Variants in GAREM2 observed in about 807,000 individuals in gnomAD.
GAREM2 encodes the protein GRB2-associated and regulator of MAPK protein 2.
A neutral mutation model predicts 55.6 loss-of-function variants in GAREM2; 30 were observed. That is an observed-to-expected ratio of 0.54 (90% confidence interval 0.40 to 0.73). The LOEUF (loss-of-function observed/expected upper bound fraction) is 0.73, where lower values mean the gene tolerates loss of function less well. Among genes scored for constraint, GAREM2 ranks in the 30% least tolerant of loss-of-function variants. The probability of loss-of-function intolerance (pLI) is 0.00; values close to 1 mark genes in which losing one functional copy is unlikely to be tolerated. For synonymous variants in GAREM2, 550 were observed against 569.1 expected (o/e 0.97, Z 0.48); for missense variants, 1,075 against 1,257.7 (o/e 0.85, Z 2.20).
rs72849140 is a variant in GAREM2, at chr2:26,179,260, G to A, written c.253+2776G>A. 3.7e-4 allele frequency among the ~76,000 whole-genome samples: 56 copies of A among 152,304 alleles called. No homozygotes were observed. Among genetic ancestry groups the A allele is most frequent in the African/African-American group, 1.3e-3 (56 of 41,566 alleles). Reference sequence around the variant, plus strand: ...CCCTGAGCATGGTGCCACTTCCCCAGTGTTGGCCTTGTTTCCTGCTCAGCA... The same window carrying A: ...CCCTGAGCATGGTGCCACTTCCCCAATGTTGGCCTTGTTTCCTGCTCAGCA... On this transcript the variant is annotated intron_variant, in intron 2 of 5. Coordinates refer to ENST00000401533, the MANE Select transcript of GAREM2 (RefSeq NM_001168241.2). The surrounding 1 kb of genome is among the most constrained non-coding windows in gnomAD (Gnocchi z 4.7).
At chr2:26,173,694 C>G (rs547849783) in intron 1 of GAREM2, among the ~76,000 whole-genome samples, 15 of 148,946 alleles carry the variant, frequency 1.0e-4, no homozygotes, top group African/African-American at 3.7e-4. Context: ...GTCCCTTTGT[C>G]CCTGGCCTCT....
chr2:26,173,322 C>A lies in GAREM2; in HGVS notation c.102C>A (p.Cys34Ter). The change falls in exon 1 of 6, where the codon TGC (cysteine) becomes TGA (stop). Residue 34 changes from cysteine to a stop codon, truncating the protein, a stop_gained. Coordinates refer to ENST00000401533, the MANE Select transcript of GAREM2 (RefSeq NM_001168241.2). LOFTEE classifies it high-confidence loss of function. ...GCTGCCGCCTGCCCACGCTCGCCTG[C>A]CTTGGGCCAGGTACCGGGGTCGCTG... is the stretch of plus-strand genomic sequence containing the variant. ...VSRCRLPTLA[C>*]LGPGEYAEGV... The A allele has an allele frequency of 2.1e-6, 3 of 1,398,690 alleles. No homozygotes were observed. Among genetic ancestry groups the A allele is most frequent in the Non-Finnish European group, 2.8e-6 (3 of 1,070,904 alleles). The allele number at this position is 1,398,690 out of a possible 1,614,324, so 86.6% of individuals were successfully genotyped here.
downstream of GAREM2, chr2:26,192,162 A>G (rs79495003): frequency 1.5e-3 from 953 of 623,802 alleles, 4 homozygotes; most frequent in African/African-American, 0.017. Context: ...AGACAGCACC[A>G]TGGCACGTGT....
chr2:26,185,927 T>C (rs555846614), intron 4 of GAREM2, among the ~76,000 whole-genome samples: 5 of 152,254 alleles, frequency 3.3e-5, no homozygotes, highest in African/African-American at 9.6e-5. Flanking sequence ...TTGTGTTCTT[T>C]TTCTTAACAT....
rs1669184567 is a variant in GAREM2, at chr2:26,184,937, G to C, written c.1089G>C (p.Glu363Asp). The change falls in exon 4 of 6, where the codon GAG becomes GAC. Residue 363 changes from glutamate to aspartate, a missense_variant. By Grantham distance (45) the Glu-to-Asp change is conservative. Coordinates refer to ENST00000401533, the MANE Select transcript of GAREM2 (RefSeq NM_001168241.2). ...DPDEYSTAVR[E>D]APAELAEDCA... ...ACGAGTACTCCACGGCCGTGCGCGA[G>C]GCGCCAGCGGAGCTCGCCGAAGACT... 7.7e-7 allele frequency: 1 copy of C among 1,295,010 alleles called. No homozygotes were observed. The highest frequency in any genetic ancestry group is 1.6e-5 in the African/African-American group (1 of 64,080). 80.2% of individuals were successfully genotyped at this position (1,295,010 alleles called of 1,614,324 possible).
Position 26,179,162 on chromosome 2 carries a change from G to C in GAREM2, c.253+2678G>C, listed in dbSNP as rs1354948035. 6.6e-6 allele frequency among the ~76,000 whole-genome samples: 1 copy of C among 152,144 alleles called. No homozygotes were observed. The highest frequency in any genetic ancestry group is 6.5e-5 in the Admixed American group (1 of 15,274). On this transcript the variant is annotated intron_variant, in intron 2 of 5. Transcript: ENST00000401533. This position sits in a 1 kb window ranked among gnomAD's most constrained non-coding sequence, Gnocchi z 4.7. ...GGCGCTCTGCTCCGGGAGTCAGGGA[G>C]ACCTGGCCTGGCCCCGTACTGTCCC...
intron 1 of GAREM2, among the ~76,000 whole-genome samples, chr2:26,173,699 G>A (rs1364193856): frequency 6.6e-6 from 1 of 151,722 alleles, no homozygotes; most frequent in Non-Finnish European, 1.5e-5. Flanking sequence ...TTTGTCCCTG[G>A]CCTCTCACCT....
chr2:26,181,219 C>G (rs1669040444), intron 2 of GAREM2: 1 of 825,642 alleles, frequency 1.2e-6, no homozygotes. Flanking sequence ...GCATTCAGAG[C>G]CTTTCAAATC....
At chr2:26,178,806 A>G (rs1388870513) in intron 2 of GAREM2, among the ~76,000 whole-genome samples, 2 of 146,412 alleles carry the variant, frequency 1.4e-5, no homozygotes, top group Non-Finnish European at 3.0e-5. Context: ...GTGGTCTTGG[A>G]GGGGTGGTGG....
At chr2:26,201,035 G>C in the GAREM2 span, 2 of 833,026 alleles carry the variant, frequency 2.4e-6, no homozygotes, top group Non-Finnish European at 4.0e-6. Context: ...CCCAGCCTTT[G>C]AATAGTCCTT....
intron 1 of GAREM2, among the ~76,000 whole-genome samples, chr2:26,175,075 CCACA>C (rs113787363): frequency 4.0e-5 from 6 of 150,206 alleles, no homozygotes; most frequent in Non-Finnish European, 5.9e-5. Context: ...CGCCACCCTG[CCACA>C]CACACACACA....
At position 26,184,798 on chromosome 2, in the gene GAREM2, T is replaced by G; in HGVS notation, c.950T>G (p.Leu317Arg). Residue 317 changes from leucine (L) to arginine (R), a missense_variant, in exon 4 of 6, where the codon CTG becomes CGG. Physicochemically the swap from Leu to Arg is moderately radical, Grantham distance 102. This residue lies in a region of GAREM2 where 170 missense variants were observed against 220.7 expected (regional missense o/e 0.77). Coordinates refer to ENST00000401533, the MANE Select transcript of GAREM2 (RefSeq NM_001168241.2). ...REGPAPLHFL[L>R]LTDTPRFALP... is the part of the protein sequence containing the mutation. ...GGCCCGGCGCCGCTGCACTTCCTGCTGCTCACGGACACGCCGCGCTTCGCG... is the reference window on the plus strand; with the variant it reads ...GGCCCGGCGCCGCTGCACTTCCTGCGGCTCACGGACACGCCGCGCTTCGCG... 3 of 1,498,074 alleles carry G rather than the reference T, an allele frequency of 2.0e-6. No individual in the cohort carries two copies. Among genetic ancestry groups the G allele is most frequent in the Non-Finnish European group, 2.7e-6 (3 of 1,131,010 alleles). The allele number at this position is 1,498,074 out of a possible 1,614,324, so 92.8% of individuals were successfully genotyped here. A position where few individuals can be genotyped will look rare whatever the true frequency, so the allele number is the denominator to read the frequency against.
the GAREM2 span, chr2:26,195,094 T>C: frequency 4.3e-6 from 7 of 1,612,910 alleles, no homozygotes; most frequent in Admixed American, 1.2e-4. Context: ...CCCCTTACCT[T>C]AACCACAATG....
At chr2:26,194,559 G>A (rs367640259), downstream of GAREM2, 93 of 1,562,222 alleles carry the variant, frequency 6.0e-5, no homozygotes, top group African/African-American at 1.1e-3. Context: ...ACTCTGGAGA[G>A]CAATACCAAC....
downstream of GAREM2, chr2:26,193,847 C>T: frequency 8.8e-7 from 1 of 1,137,046 alleles, no homozygotes; most frequent in African/African-American, 1.5e-5. Context: ...TGTACTGGCT[C>T]CAAACACTGC....
chr2:26,195,919 A>C, the GAREM2 span, among the ~76,000 whole-genome samples: 125,156 of 152,152 alleles, frequency 0.82, 51,827 homozygotes, highest in African/African-American at 0.93. Context: ...TTTCAGAGAA[A>C]CCCCTCATTG....
chr2:26,196,800 T>C, the GAREM2 span, among the ~76,000 whole-genome samples: 3 of 152,134 alleles, frequency 2.0e-5, no homozygotes, highest in Non-Finnish European at 4.4e-5. Flanking sequence ...CCTGTACTGA[T>C]TTTAGATGCC....
the GAREM2 span, among the ~76,000 whole-genome samples, chr2:26,202,284 C>T: frequency 5.3e-5 from 8 of 152,236 alleles, no homozygotes; most frequent in South Asian, 8.3e-4. Flanking sequence ...TATTTTTCGT[C>T]GCCAAGGGAA....
intron 4 of GAREM2, 91 bp from the exon 5 acceptor site, chr2:26,186,098 G>T: frequency 7.8e-7 from 1 of 1,287,604 alleles, no homozygotes; most frequent in Non-Finnish European, 1.0e-6. Context: ...GTCAGGCCCA[G>T]ACAGCCCCCT....
Sources: allele counts gnomAD v4.1 joint callset (sites outside exome capture counted in the v4.1 genomes callset), GRCh38; gene constraint gnomAD v4.1.1; regional missense constraint gnomAD v4.1.1; non-coding constraint Gnocchi (gnomAD v3.1); transcripts MANE v1.5; gene names NCBI Gene and HGNC (gene_info 2026-07-23, HGNC 2026-07-21).